The following TEX9 variants were observed in gnomAD, a reference collection of about 807,000 sequenced individuals.
TEX9 encodes testis expressed 9, also known as testis-expressed protein 9.
A neutral mutation model predicts 59.6 loss-of-function variants in TEX9; 74 were observed. That is an observed-to-expected ratio of 1.24 (90% confidence interval 1.03 to 1.51). The LOEUF is 1.51. Ranked by LOEUF, TEX9 falls within the 40% of genes most tolerant of loss-of-function variation. The pLI, the probability that TEX9 is intolerant of heterozygous loss-of-function variation, is 0.00. For missense variants in TEX9, 522 were observed against 447.8 expected (o/e 1.17, Z -1.49); for synonymous variants, 186 against 152.2 (o/e 1.22, Z -1.64).
At chr15:56,391,523 C>T in intron 7 of TEX9, 105 bp downstream of exon 7, 2 of 764,162 alleles carry the variant, frequency 2.6e-6, no homozygotes, top group Admixed American at 3.6e-5. Context: ...ATTGTGATGT[C>T]TTGGTTTGTT....
intron 1 of TEX9, among the ~76,000 whole-genome samples, chr15:56,289,021 T>C (rs1419343900): frequency 6.6e-6 from 1 of 152,232 alleles, no homozygotes; most frequent in East Asian, 1.9e-4. Context: ...TCTCTATTGC[T>C]TTTGTCATTT....
intron 1 of TEX9, among the ~76,000 whole-genome samples, chr15:56,256,828 T>G (rs2044155443): frequency 6.6e-6 from 1 of 152,140 alleles, no homozygotes; most frequent in Admixed American, 6.6e-5. Flanking sequence ...TACACGTTTG[T>G]TACATAGGTA....
At chr15:56,265,233 A>G (rs1461753937) in intron 1 of TEX9, among the ~76,000 whole-genome samples, 1 of 150,512 alleles carries the variant, frequency 6.6e-6, no homozygotes, top group Admixed American at 6.7e-5. Context: ...TAGTGGTACC[A>G]TAGCTTACTG....
At chr15:56,403,105 G>A (rs1275382071) in intron 9 of TEX9, among the ~76,000 whole-genome samples, 3 of 152,138 alleles carry the variant, frequency 2.0e-5, no homozygotes, top group South Asian at 2.1e-4. Flanking sequence ...CACCACTCCA[G>A]TTCAACATAG....
the TEX9 span, among the ~76,000 whole-genome samples, chr15:56,460,009 A>AATATAT: frequency 1.1e-4 from 3 of 26,406 alleles, 1 homozygote; most frequent in African/African-American, 4.5e-4. Context: ...AAAAAAAAAA[A>AATATAT]ATACATATAT....
intron 12 of TEX9, chr15:56,434,211 A>T (rs2050676623): frequency 6.2e-7 from 1 of 1,613,912 alleles, no homozygotes; most frequent in Non-Finnish European, 8.5e-7. Flanking sequence ...CAGCTGCTTC[A>T]TTCTTTGTTT....
chr15:56,455,973 T>C, the TEX9 span, among the ~76,000 whole-genome samples: 11 of 152,124 alleles, frequency 7.2e-5, no homozygotes, highest in Non-Finnish European at 1.5e-4. Context: ...GGAAGATAAT[T>C]TAACATTAAG....
At chr15:56,323,700 A>AAGGAGGAGGAGGAGAAGGAGGAAG (rs1567085777) in intron 1 of TEX9, 1 of 146,834 alleles carries the variant, frequency 6.8e-6, no homozygotes, top group African/African-American at 2.6e-5. Flanking sequence ...GAAGAGGAAG[A>AAGGAGGAGGAGGAGAAGGAGGAAG]AGGAGGAGGA....
At chr15:56,307,799 T>G (rs945612268) in intron 1 of TEX9, among the ~76,000 whole-genome samples, 3 of 152,236 alleles carry the variant, frequency 2.0e-5, no homozygotes, top group Non-Finnish European at 4.4e-5. Context: ...TCTTTATGGA[T>G]TTGCCTATTC....
chr15:56,412,682 G>T (rs774218240), intron 10 of TEX9, among the ~76,000 whole-genome samples: 115 of 152,056 alleles, frequency 7.6e-4, no homozygotes, highest in Non-Finnish European at 1.5e-3. Flanking sequence ...AGTTTTATCA[G>T]GTGCCCATAT....
chr15:56,305,428 A>G (rs1359060160), intron 1 of TEX9, among the ~76,000 whole-genome samples: 1 of 152,202 alleles, frequency 6.6e-6, no homozygotes, highest in Admixed American at 6.5e-5. Context: ...AAACAGACAC[A>G]TAGACCAAAG....
intron 1 of TEX9, among the ~76,000 whole-genome samples, chr15:56,320,027 C>G (rs921982494): frequency 1.3e-5 from 2 of 152,170 alleles, no homozygotes; most frequent in Admixed American, 6.5e-5. Context: ...AACCTTGTGT[C>G]ATATTCTTGT....
intron 2 of TEX9, among the ~76,000 whole-genome samples, chr15:56,369,110 G>A (rs868564798): frequency 2.0e-5 from 3 of 151,864 alleles, no homozygotes; most frequent in Non-Finnish European, 2.9e-5. Context: ...AATATTATAC[G>A]ATTTTCATAG....
chr15:56,424,381 G>T (rs1596234850), intron 10 of TEX9, among the ~76,000 whole-genome samples: 1 of 152,016 alleles, frequency 6.6e-6, no homozygotes, highest in African/African-American at 2.4e-5. Context: ...CATATCTCTG[G>T]ATCTAAAGTT....
chr15:56,332,134 G>A (rs1416937624), intron 1 of TEX9, among the ~76,000 whole-genome samples: 191 of 123,638 alleles, frequency 1.5e-3, no homozygotes, highest in Non-Finnish European at 1.4e-3. Flanking sequence ...ATACCCAAAG[G>A]ACTATGAATC....
intron 1 of TEX9, among the ~76,000 whole-genome samples, chr15:56,330,285 G>T (rs2046113348): frequency 6.6e-6 from 1 of 152,130 alleles, no homozygotes; most frequent in South Asian, 2.1e-4. Flanking sequence ...GCTAAAGGGG[G>T]TACTTCAATC....
intron 12 of TEX9, chr15:56,429,440 C>T: frequency 2.8e-6 from 1 of 352,846 alleles, no homozygotes; most frequent in South Asian, 3.8e-5. Context: ...TCATAGGAAT[C>T]TGAGCTCTTC....
chr15:56,366,775 A>G (rs1449154237), intron 2 of TEX9, among the ~76,000 whole-genome samples: 1 of 152,216 alleles, frequency 6.6e-6, no homozygotes, highest in African/African-American at 2.4e-5. Context: ...TTATCGTATG[A>G]TCTACATATG....
chr15:56,448,677 A>C (rs1202116071), downstream of TEX9, among the ~76,000 whole-genome samples: 3 of 152,038 alleles, frequency 2.0e-5, no homozygotes, highest in African/African-American at 7.2e-5. Context: ...GCTATTATGA[A>C]TAGCACAGCA....
Sources: allele counts gnomAD v4.1 joint callset (sites outside exome capture counted in the v4.1 genomes callset), GRCh38; gene constraint gnomAD v4.1.1; transcripts MANE v1.5; gene names NCBI Gene and HGNC (gene_info 2026-07-23, HGNC 2026-07-21).